The following UBA6 variants were observed in gnomAD, a reference collection of about 807,000 sequenced individuals.
UBA6 encodes the protein ubiquitin-like modifier-activating enzyme 6.
UBA6 carries 87 observed loss-of-function variants against 148.3 expected under a neutral mutation model. That is an observed-to-expected ratio of 0.59 (90% CI 0.49 to 0.70). The LOEUF is 0.70. UBA6 is among the 30% of genes least tolerant of loss of function. UBA6 has a pLI of 0.00. For missense variants in UBA6, 1,186 were observed against 1,241.2 expected (o/e 0.96, Z 0.67); for synonymous variants, 376 against 401.0 (o/e 0.94, Z 0.75).
At chr4:67,658,532 C>A (rs1028415727) in intron 13 of UBA6, among the ~76,000 whole-genome samples, 3 of 152,086 alleles carry the variant, frequency 2.0e-5, no homozygotes, top group African/African-American at 7.2e-5. Flanking sequence ...GGGAACAACA[C>A]GCACTGGGGC....
chr4:67,654,477 A>G (rs1227399747), intron 13 of UBA6, among the ~76,000 whole-genome samples: 1 of 152,198 alleles, frequency 6.6e-6, no homozygotes, highest in African/African-American at 2.4e-5. Context: ...CTTTACAGAC[A>G]AGCAAATACT....
At chr4:67,655,957 T>C (rs1729679070) in intron 13 of UBA6, among the ~76,000 whole-genome samples, 2 of 152,232 alleles carry the variant, frequency 1.3e-5, no homozygotes, top group Admixed American at 1.3e-4. Context: ...GATAAATTCC[T>C]GGACACATAC....
Position 67,622,544 on chromosome 4 carries a change from G to A in UBA6, c.3023+287C>T, listed in dbSNP as rs187943162. On this transcript the variant is annotated intron_variant, in intron 32 of 32. Transcript: ENST00000322244. ...AACAAAAATAGTGATTTGGCAGTTA[G>A]ATTACTCATAAGCCTGGTCATTAAG... Among the ~76,000 whole-genome samples the A allele has an allele frequency of 1.5e-3, 223 of 152,308 alleles. No homozygotes were observed. In the Middle Eastern group the frequency reaches 0.034, roughly 23 times the overall value.
intron 20 of UBA6, 126 bp downstream of exon 20, chr4:67,635,327 C>A (rs913706595): frequency 9.0e-6 from 5 of 554,780 alleles, no homozygotes; most frequent in Non-Finnish European, 1.6e-5. Context: ...TGTACATGCA[C>A]ATATGTATGA....
intron 2 of UBA6, among the ~76,000 whole-genome samples, chr4:67,694,046 C>T (rs1196942724): frequency 6.6e-6 from 1 of 151,404 alleles, no homozygotes. Context: ...AACCCCGCCT[C>T]TACTAAAAAA....
At chr4:67,697,586 C>T (rs2109963678) in intron 1 of UBA6, among the ~76,000 whole-genome samples, 1 of 152,304 alleles carries the variant, frequency 6.6e-6, no homozygotes, top group East Asian at 1.9e-4. Context: ...CCTGTCTTTC[C>T]TAACTCATTT....
Position 67,612,870 on chromosome 4 carries a change from A to G in UBA6, c.*6127T>C, listed in dbSNP as rs1728564748. The G allele has an allele frequency of 6.6e-6, 1 of 152,252 alleles. No homozygotes were observed. The highest frequency in any genetic ancestry group is 2.1e-4 in the South Asian group (1 of 4,832). The allele number at this position is 152,252 out of a possible 1,614,324, so 9.4% of individuals were successfully genotyped here. ...AAGTTGGTGAATAATTACCATGCCA[A>G]TAATATCTGAGAAAAGATAGAAATT... On this transcript the variant is annotated 3_prime_UTR_variant, in exon 33 of 33. Transcript: ENST00000322244.
At chr4:67,671,873 G>A (rs1730157305) in intron 7 of UBA6, among the ~76,000 whole-genome samples, 2 of 152,204 alleles carry the variant, frequency 1.3e-5, no homozygotes, top group Non-Finnish European at 2.9e-5. Flanking sequence ...CAATGTCACT[G>A]TGCACCTAAT....
At chr4:67,698,416 T>G (rs1301373369) in intron 1 of UBA6, among the ~76,000 whole-genome samples, 1 of 152,238 alleles carries the variant, frequency 6.6e-6, no homozygotes, top group Non-Finnish European at 1.5e-5. Context: ...GCTACATATT[T>G]AAGTGCTTTA....
At chr4:67,644,133 G>A (rs1430393848) in intron 17 of UBA6, among the ~76,000 whole-genome samples, 1 of 152,026 alleles carries the variant, frequency 6.6e-6, no homozygotes, top group Non-Finnish European at 1.5e-5. Flanking sequence ...ACTAATGGAA[G>A]ACAGTTTATC....
chr4:67,679,074 T>C (rs895039722), intron 4 of UBA6, among the ~76,000 whole-genome samples: 6 of 151,918 alleles, frequency 3.9e-5, no homozygotes, highest in Non-Finnish European at 7.4e-5. Flanking sequence ...CATGCAACTA[T>C]TAAAAAAAGA....
intron 13 of UBA6, 90 bp from the exon 14 acceptor site, chr4:67,649,301 T>A: frequency 7.8e-7 from 1 of 1,281,762 alleles, no homozygotes; most frequent in Non-Finnish European, 1.1e-6. Context: ...AATTAGAACT[T>A]AACTTCTAAA....
intron 17 of UBA6, 30 bp from the exon 18 acceptor site, chr4:67,641,258 C>A (rs1463748921): frequency 7.9e-7 from 1 of 1,258,438 alleles, no homozygotes; most frequent in African/African-American, 1.5e-5. Context: ...GCTGAAATTA[C>A]ATAATGGATA....
chr4:67,633,595 A>T, intron 22 of UBA6, 122 bp from the exon 23 acceptor site: 1 of 755,468 alleles, frequency 1.3e-6, no homozygotes. Flanking sequence ...TTCTTTTTTC[A>T]CCTCAAGCTC....
At chr4:67,649,339 T>C in intron 13 of UBA6, 128 bp from the exon 14 acceptor site, 2 of 868,484 alleles carry the variant, frequency 2.3e-6, no homozygotes, top group South Asian at 4.8e-5. Flanking sequence ...CTACTAAATA[T>C]CTCTAAAAAT....
At position 67,614,195 on chromosome 4, in the gene UBA6, T is replaced by C. The variant is rs1560472655; in HGVS notation, c.*4802A>G. 6.6e-6 allele frequency: 1 copy of C among 152,226 alleles called. No individual in the cohort carries two copies. The highest frequency in any genetic ancestry group is 1.5e-5 in the Non-Finnish European group (1 of 68,042). 9.4% of individuals were successfully genotyped at this position (152,226 alleles called of 1,614,324 possible). Reference sequence around the variant, plus strand: ...ACTCGACCAATTGTCAACCAGAAAATGTTTTAAATTAACCTATACCCTGGA... The same window carrying C: ...ACTCGACCAATTGTCAACCAGAAAACGTTTTAAATTAACCTATACCCTGGA... On this transcript the variant is annotated 3_prime_UTR_variant, in exon 33 of 33. Transcript: ENST00000322244.
intron 11 of UBA6, 24 bp downstream of exon 11, chr4:67,663,861 C>T: frequency 6.2e-7 from 1 of 1,608,054 alleles, no homozygotes; most frequent in South Asian, 1.1e-5. Context: ...CTGCCTCTCT[C>T]AAACCTGCAA....
intron 7 of UBA6, among the ~76,000 whole-genome samples, chr4:67,671,840 T>G (rs1194756438): frequency 6.6e-6 from 1 of 152,260 alleles, no homozygotes; most frequent in East Asian, 1.9e-4. Context: ...AGAACTGTGA[T>G]TTTTCCCATC....
chr4:67,672,885 G>A (rs1377555968), intron 7 of UBA6, among the ~76,000 whole-genome samples: 1 of 152,128 alleles, frequency 6.6e-6, no homozygotes, highest in Non-Finnish European at 1.5e-5. Context: ...AACCAGAACT[G>A]TCCTTCTCCC....
Sources: allele counts gnomAD v4.1 joint callset (sites outside exome capture counted in the v4.1 genomes callset), GRCh38; gene constraint gnomAD v4.1.1; transcripts MANE v1.5; gene names NCBI Gene and HGNC (gene_info 2026-07-23, HGNC 2026-07-21).